CRYBG1: variants seen among roughly 807,000 people sequenced by gnomAD.
The protein encoded by CRYBG1 is beta/gamma crystallin domain-containing protein 1.
CRYBG1 carries 139 observed loss-of-function variants against 189.2 expected under a neutral mutation model. The observed-to-expected ratio is 0.73, with a 90% CI of 0.64 to 0.85. The LOEUF is 0.85. CRYBG1 is among the 40% of genes least tolerant of loss of function. CRYBG1 has a pLI of 0.00. For synonymous variants in CRYBG1, 1,023 were observed against 1,017.1 expected, an observed-to-expected ratio of 1.01 and a Z score of -0.11; for missense variants, 2,611 against 2,675.8, an observed-to-expected ratio of 0.98 and a Z score of 0.53.
At chr6:106,408,512 A>T (rs915983240) in intron 1 of CRYBG1, among the ~76,000 whole-genome samples, 3 of 152,180 alleles carry the variant, frequency 2.0e-5, no homozygotes, top group Non-Finnish European at 2.9e-5. Context: ...CTCCTCCCTA[A>T]CTCATTTTAT....
chr6:106,394,789 A>C (rs1384466461), intron 1 of CRYBG1, among the ~76,000 whole-genome samples: 4 of 152,112 alleles, frequency 2.6e-5, no homozygotes, highest in Non-Finnish European at 4.4e-5. Flanking sequence ...GAAAAGAAGA[A>C]TATCCTTTAG....
intron 1 of CRYBG1, among the ~76,000 whole-genome samples, chr6:106,363,113 G>T (rs1044174947): frequency 6.6e-6 from 1 of 150,664 alleles, no homozygotes; most frequent in Non-Finnish European, 1.5e-5. Context: ...GCATGGTGGC[G>T]CGCGCCTGTA....
intron 1 of CRYBG1, among the ~76,000 whole-genome samples, chr6:106,432,513 C>CA (rs1176200240): frequency 9.3e-5 from 10 of 107,252 alleles, no homozygotes; most frequent in Non-Finnish European, 6.5e-5. Context: ...AGTACCTACC[C>CA]CCCAGGGAGT....
chr6:106,457,931 G>T (rs1272964709), intron 2 of CRYBG1, among the ~76,000 whole-genome samples: 2 of 152,148 alleles, frequency 1.3e-5, no homozygotes, highest in Non-Finnish European at 2.9e-5. Flanking sequence ...AATAGTGTGT[G>T]TATACATATA....
chr6:106,478,821 G>T (rs1396379034), intron 2 of CRYBG1, among the ~76,000 whole-genome samples: 1 of 152,206 alleles, frequency 6.6e-6, no homozygotes, highest in Admixed American at 6.5e-5. Context: ...TCTCATAGGA[G>T]CACAAACCCT....
intron 2 of CRYBG1, among the ~76,000 whole-genome samples, chr6:106,500,788 C>T (rs1296448078): frequency 6.6e-6 from 1 of 152,162 alleles, no homozygotes; most frequent in Non-Finnish European, 1.5e-5. Flanking sequence ...GGGCATTTTA[C>T]AAACATTTCA....
intron 2 of CRYBG1, among the ~76,000 whole-genome samples, chr6:106,454,611 A>G (rs1771847970): frequency 6.6e-6 from 1 of 152,232 alleles, no homozygotes; most frequent in African/African-American, 2.4e-5. Context: ...CCCAGGCAGA[A>G]TAAATTATAT....
chr6:106,499,144 G>GTTTTT (rs1562089828), intron 2 of CRYBG1, among the ~76,000 whole-genome samples: 1 of 21,806 alleles, frequency 4.6e-5, no homozygotes, highest in African/African-American at 3.4e-4. Flanking sequence ...TTGTTTGTTT[G>GTTTTT]TTTGTTTGTT....
At position 106,519,198 on chromosome 6, in the gene CRYBG1, G is replaced by A. The variant is rs372496968; in HGVS notation, c.1990G>A (p.Glu664Lys). 3.7e-6 allele frequency: 6 copies of A among 1,614,094 alleles called. No individual in the cohort carries two copies. The highest frequency in any genetic ancestry group is 4.2e-6 in the Non-Finnish European group (5 of 1,180,042). The change falls in exon 4 of 22, where the codon GAG becomes AAG. Residue 664 changes from glutamate to lysine, a missense_variant. Physicochemically the swap from Glu to Lys is moderately conservative, Grantham distance 56. This residue lies in a region of CRYBG1 where 985 missense variants were observed against 924.4 expected (regional missense o/e 1.07). Coordinates refer to ENST00000633556, the MANE Select transcript of CRYBG1 (RefSeq NM_001371242.2). ...TAAGAATCTTGACAGTTTGGGAAAT[G>A]AGCACAATCCATTTAGCCAGCCAGT... ...TPKNLDSLGN[E>K]HNPFSQPVHK...
At chr6:106,534,323 T>C (rs1367528401) in intron 8 of CRYBG1, among the ~76,000 whole-genome samples, 1 of 146,130 alleles carries the variant, frequency 6.8e-6, no homozygotes, top group East Asian at 1.9e-4. Context: ...ATGGTGAGCA[T>C]CTTCTTTTCT....
intron 2 of CRYBG1, among the ~76,000 whole-genome samples, chr6:106,465,933 TTTATTC>T (rs1475350095): frequency 2.6e-5 from 4 of 152,236 alleles, no homozygotes; most frequent in Non-Finnish European, 4.4e-5. Flanking sequence ...TGTTTTGAAT[TTTATTC>T]TTATCTATCT....
At chr6:106,478,098 G>A (rs181665038) in intron 2 of CRYBG1, among the ~76,000 whole-genome samples, 2 of 152,342 alleles carry the variant, frequency 1.3e-5, no homozygotes, top group African/African-American at 2.4e-5. Context: ...GCTAGGGGAG[G>A]GATGTTGGTT....
At chr6:106,530,414 C>T (rs547675761) in intron 8 of CRYBG1, 99 bp downstream of exon 8, 3 of 1,177,712 alleles carry the variant, frequency 2.5e-6, no homozygotes, top group Non-Finnish European at 3.5e-6. Flanking sequence ...ATTTGTCATC[C>T]TGTTAAGTAA....
intron 1 of CRYBG1, among the ~76,000 whole-genome samples, chr6:106,418,713 G>T (rs143549667): frequency 1.3e-5 from 2 of 152,260 alleles, no homozygotes; most frequent in African/African-American, 2.4e-5. Flanking sequence ...AATGTTATTC[G>T]TCTGGGGTAA....
intron 1 of CRYBG1, among the ~76,000 whole-genome samples, chr6:106,395,187 G>C (rs1770580093): frequency 6.6e-6 from 1 of 151,720 alleles, no homozygotes; most frequent in Admixed American, 6.6e-5. Context: ...TTGAGCTCAG[G>C]AGTTTGAGAT....
chr6:106,368,227 G>C (rs985686193), intron 1 of CRYBG1, among the ~76,000 whole-genome samples: 4 of 151,926 alleles, frequency 2.6e-5, no homozygotes, highest in Non-Finnish European at 5.9e-5. Context: ...AGAGCAACCT[G>C]GTCAACATAG....
At chr6:106,513,941 A>G (rs1457433461) in intron 3 of CRYBG1, among the ~76,000 whole-genome samples, 3 of 152,144 alleles carry the variant, frequency 2.0e-5, no homozygotes, top group African/African-American at 7.2e-5. Context: ...ACTGTGGGGG[A>G]AAAAAACCCT....
intron 1 of CRYBG1, among the ~76,000 whole-genome samples, chr6:106,391,767 C>T (rs943602750): frequency 6.6e-6 from 1 of 152,088 alleles, no homozygotes; most frequent in Non-Finnish European, 1.5e-5. Flanking sequence ...GACTTTGGTG[C>T]CTGATATAAA....
At chr6:106,423,040 G>A (rs1771158250) in intron 1 of CRYBG1, among the ~76,000 whole-genome samples, 1 of 152,180 alleles carries the variant, frequency 6.6e-6, no homozygotes, top group Admixed American at 6.5e-5. Context: ...GAGGATATCA[G>A]ACCACCATTT....
Sources: allele counts gnomAD v4.1 joint callset (sites outside exome capture counted in the v4.1 genomes callset), GRCh38; gene constraint gnomAD v4.1.1; regional missense constraint gnomAD v4.1.1; transcripts MANE v1.5; gene names NCBI Gene and HGNC (gene_info 2026-07-23, HGNC 2026-07-21).